Variants in SULT1E1 observed in about 807,000 individuals in gnomAD.
SULT1E1 encodes the protein sulfotransferase 1E1.
In SULT1E1, 36 loss-of-function variants were observed where a neutral mutation model predicts 33.6. The observed-to-expected ratio is 1.07, with a 90% CI of 0.82 to 1.41. The LOEUF (loss-of-function observed/expected upper bound fraction) is 1.41, where lower values mean the gene tolerates loss of function less well. Ranked by LOEUF, SULT1E1 falls within the 40% of genes most tolerant of loss-of-function variation. The pLI is 0.00. For synonymous variants in SULT1E1, 121 were observed against 111.7 expected, an observed-to-expected ratio of 1.08 and a Z score of -0.53; for missense variants, 371 against 345.7, an observed-to-expected ratio of 1.07 and a Z score of -0.58.
At chr4:69,851,678 T>A (rs1214094805) in intron 4 of SULT1E1, among the ~76,000 whole-genome samples, 2 of 152,200 alleles carry the variant, frequency 1.3e-5, no homozygotes, top group Non-Finnish European at 2.9e-5. Context: ...TGAACACGTA[T>A]GTTTATTGTG....
At position 69,855,377 on chromosome 4, in the gene SULT1E1, A is replaced by G; in HGVS notation, c.195T>C (p.Asp65=). ...TTACATCTTCTTTGCACTTTTCCAC[A>G]TCACCCTCTTTATAGATCATATACA... ...EIVYMIYKEG[D]VEKCKEDVIF... Residue 65 remains aspartate (D), a synonymous_variant, in exon 3 of 8, where the codon GAT becomes GAC. Transcript: ENST00000226444. 1.2e-6 allele frequency: 2 copies of G among 1,613,210 alleles called. No individual in the cohort carries two copies. Among genetic ancestry groups the G allele is most frequent in the Non-Finnish European group, 1.7e-6 (2 of 1,179,544 alleles).
the SULT1E1 span, among the ~76,000 whole-genome samples, chr4:69,829,022 G>A: frequency 6.6e-6 from 1 of 152,182 alleles, no homozygotes; most frequent in Non-Finnish European, 1.5e-5. Flanking sequence ...CAAGTGTACT[G>A]TGATTGACCC....
chr4:69,833,202 G>A, the SULT1E1 span, among the ~76,000 whole-genome samples: 1 of 152,110 alleles, frequency 6.6e-6, no homozygotes, highest in Non-Finnish European at 1.5e-5. Context: ...TGATGTTTTA[G>A]ATGAGGGATA....
intron 3 of SULT1E1, 144 bp from the exon 4 acceptor site, chr4:69,854,458 AG>A (rs1410052611): frequency 9.0e-6 from 5 of 554,492 alleles, no homozygotes; most frequent in Non-Finnish European, 1.5e-5. Context: ...TAAATTCTTG[AG>A]GGAATGGACA....
At chr4:69,842,182 T>C (rs1720897376) in intron 7 of SULT1E1, 76 bp from the exon 8 acceptor site, 1 of 775,174 alleles carries the variant, frequency 1.3e-6, no homozygotes, top group African/African-American at 1.8e-5. Context: ...TTCATCACTT[T>C]CATTAACACC....
At chr4:69,842,140 G>A in intron 7 of SULT1E1, 34 bp from the exon 8 acceptor site, 2 of 1,251,914 alleles carry the variant, frequency 1.6e-6, no homozygotes, top group Non-Finnish European at 2.3e-6. Flanking sequence ...TAAATATTAA[G>A]TCTTCCAAAA....
the SULT1E1 span, among the ~76,000 whole-genome samples, chr4:69,835,769 T>C: frequency 6.6e-6 from 1 of 152,196 alleles, no homozygotes; most frequent in Admixed American, 6.5e-5. Flanking sequence ...ACTTTGTTAT[T>C]GAGTAGAGGA....
the SULT1E1 span, among the ~76,000 whole-genome samples, chr4:69,825,535 C>A: frequency 6.6e-6 from 1 of 152,210 alleles, no homozygotes; most frequent in East Asian, 1.9e-4. Flanking sequence ...AAGCAACTAG[C>A]ATGCCTGCTG....
Position 69,857,651 on chromosome 4 carries a change from A to C in SULT1E1, c.-7T>G, listed in dbSNP as rs1376507927. The C allele has an allele frequency of 6.3e-7, 1 of 1,583,246 alleles. No individual in the cohort carries two copies. Among genetic ancestry groups the C allele is most frequent in the South Asian group, 1.2e-5 (1 of 85,184 alleles). ...AGTCAAGTTCAGAATTCATTGTGGT[A>C]CACTGAAAAAAAACCTCTGCTTTAT... On this transcript the variant is annotated splice_region_variant and 5_prime_UTR_variant, in exon 2 of 8. Coordinates refer to ENST00000226444, the MANE Select transcript of SULT1E1 (RefSeq NM_005420.3).
chr4:69,823,165 T>A, the SULT1E1 span, among the ~76,000 whole-genome samples: 5 of 152,266 alleles, frequency 3.3e-5, no homozygotes, highest in East Asian at 9.7e-4. Flanking sequence ...AGGTTTTGTT[T>A]ATATACCTAC....
At chr4:69,856,902 C>G (rs1287755941) in intron 2 of SULT1E1, among the ~76,000 whole-genome samples, 1 of 134,864 alleles carries the variant, frequency 7.4e-6, no homozygotes, top group Non-Finnish European at 1.5e-5. Context: ...CGCCACTGCA[C>G]TCCAGCCTGG....
At chr4:69,854,673 T>G (rs1428504260) in intron 3 of SULT1E1, among the ~76,000 whole-genome samples, 2 of 151,890 alleles carry the variant, frequency 1.3e-5, no homozygotes, top group African/African-American at 4.8e-5. Context: ...GAAATAAAAT[T>G]TCATCACCTG....
chr4:69,854,855 T>A (rs1721204427), intron 3 of SULT1E1, among the ~76,000 whole-genome samples: 1 of 152,040 alleles, frequency 6.6e-6, no homozygotes, highest in Non-Finnish European at 1.5e-5. Context: ...CATCCAAAAA[T>A]GTTAATGATT....
At chr4:69,857,474 GA>G (rs749749831) in intron 2 of SULT1E1, 25 bp downstream of exon 2, 1 of 1,579,498 alleles carries the variant, frequency 6.3e-7, no homozygotes, top group South Asian at 1.2e-5. Context: ...ATTTTTAGGT[GA>G]AAAAAGAACA....
At chr4:69,851,375 G>T (rs926171510) in intron 4 of SULT1E1, among the ~76,000 whole-genome samples, 2 of 152,144 alleles carry the variant, frequency 1.3e-5, no homozygotes, top group East Asian at 3.8e-4. Context: ...ATGAAAAAAT[G>T]CTCAGCATCA....
intron 3 of SULT1E1, among the ~76,000 whole-genome samples, chr4:69,854,966 T>A (rs1721206363): frequency 6.6e-6 from 1 of 152,084 alleles, no homozygotes; most frequent in Non-Finnish European, 1.5e-5. Flanking sequence ...GTAAATATAC[T>A]TTTGCATATA....
chr4:69,822,298 T>C, the SULT1E1 span, among the ~76,000 whole-genome samples: 1 of 152,142 alleles, frequency 6.6e-6, no homozygotes, highest in South Asian at 2.1e-4. Flanking sequence ...TTAAACCATT[T>C]GCTTAGTTTG....
chr4:69,831,190 C>T, the SULT1E1 span, among the ~76,000 whole-genome samples: 1 of 152,134 alleles, frequency 6.6e-6, no homozygotes, highest in Non-Finnish European at 1.5e-5. Flanking sequence ...TTGATTGGAA[C>T]CTAAGGAGGA....
At chr4:69,840,127 C>G (rs184048938), downstream of SULT1E1, among the ~76,000 whole-genome samples, 70 of 152,068 alleles carry the variant, frequency 4.6e-4, no homozygotes, top group Non-Finnish European at 9.3e-4. Flanking sequence ...TTCTGATTCC[C>G]CCGGTAAACA....
Sources: gnomAD v4.1 joint callset for allele counts (sites outside exome capture counted in the v4.1 genomes callset) on GRCh38, gnomAD v4.1.1 for gene constraint, MANE v1.5 for transcripts, NCBI Gene and HGNC (gene_info 2026-07-23, HGNC 2026-07-21) for gene names.